The following CYP20A1 variants were observed in gnomAD, a reference collection of about 807,000 sequenced individuals.
CYP20A1 encodes the protein cytochrome P450 family 20 subfamily A member 1.
A neutral mutation model predicts 61.4 loss-of-function variants in CYP20A1; 61 were observed. The observed-to-expected ratio is 0.99, with a 90% confidence interval of 0.81 to 1.23. CYP20A1 has a LOEUF of 1.23. Among genes scored for constraint, CYP20A1 ranks in the 50% most tolerant of loss-of-function variants. CYP20A1 has a pLI of 0.00. For synonymous variants in CYP20A1, 193 were observed against 188.2 expected (o/e 1.03, Z -0.21); for missense variants, 530 against 542.4 (o/e 0.98, Z 0.23).
chr2:203,250,557 C>T (rs2066622616), intron 3 of CYP20A1, among the ~76,000 whole-genome samples: 2 of 152,086 alleles, frequency 1.3e-5, no homozygotes, highest in Non-Finnish European at 2.9e-5. Context: ...AGGCTTTATA[C>T]AACATGAAAA....
At chr2:203,251,731 T>TG (rs1448142353) in intron 3 of CYP20A1, among the ~76,000 whole-genome samples, 1 of 139,152 alleles carries the variant, frequency 7.2e-6, no homozygotes, top group East Asian at 2.0e-4. Flanking sequence ...ATCATGACAT[T>TG]GCACTCCAGC....
chr2:203,253,505 A>G (rs1231408559), intron 4 of CYP20A1, among the ~76,000 whole-genome samples: 1 of 152,214 alleles, frequency 6.6e-6, no homozygotes, highest in Non-Finnish European at 1.5e-5. Context: ...AGGATTGTTT[A>G]TTTTAAGGTA....
intron 5 of CYP20A1, among the ~76,000 whole-genome samples, chr2:203,267,860 A>T (rs1228722556): frequency 6.6e-6 from 1 of 151,672 alleles, no homozygotes; most frequent in Non-Finnish European, 1.5e-5. Flanking sequence ...AAAAAAAAAA[A>T]GAGCGATCTC....
chr2:203,283,424 G>A (rs1241321313), intron 8 of CYP20A1, among the ~76,000 whole-genome samples: 2 of 151,326 alleles, frequency 1.3e-5, no homozygotes, highest in Non-Finnish European at 2.9e-5. Flanking sequence ...CACTGTGTTG[G>A]CCAGGCTGAT....
At chr2:203,274,207 A>G (rs2067721270) in intron 6 of CYP20A1, among the ~76,000 whole-genome samples, 1 of 145,820 alleles carries the variant, frequency 6.9e-6, no homozygotes, top group African/African-American at 2.5e-5. Context: ...TTTTTTTGAG[A>G]CAGAGTCTCA....
chr2:203,271,538 T>C (rs2067598568), intron 5 of CYP20A1, among the ~76,000 whole-genome samples: 1 of 152,198 alleles, frequency 6.6e-6, no homozygotes, highest in South Asian at 2.1e-4. Flanking sequence ...TTTTTAGAAC[T>C]TTTGAATTAA....
intron 1 of CYP20A1, among the ~76,000 whole-genome samples, chr2:203,244,087 T>TGAACTGGC (rs2066361559): frequency 6.6e-6 from 1 of 152,090 alleles, no homozygotes; most frequent in Non-Finnish European, 1.5e-5. Context: ...TTACCTCCTA[T>TGAACTGGC]TACTGTGAAC....
At position 203,289,758 on chromosome 2, in the gene CYP20A1, A is replaced by T. The variant is rs201027151; in HGVS notation, c.972-7A>T. On this transcript the variant is annotated splice_polypyrimidine_tract_variant and splice_region_variant and intron_variant, in intron 9 of 12. Coordinates refer to ENST00000356079, the MANE Select transcript of CYP20A1 (RefSeq NM_177538.3). ...AAACATCTTCAAAAAAAATTTTTTTAAAACAGATATTGTCAGCATGTGCTT... is the reference window on the plus strand; with the variant it reads ...AAACATCTTCAAAAAAAATTTTTTTTAAACAGATATTGTCAGCATGTGCTT... The T allele has an allele frequency of 6.9e-5, 105 of 1,527,636 alleles. No homozygotes were observed. The East Asian group carries it at 8.0e-4, about 12-fold the overall frequency. 94.6% of individuals were successfully genotyped at this position (1,527,636 alleles called of 1,614,324 possible).
intron 5 of CYP20A1, among the ~76,000 whole-genome samples, 177 bp downstream of exon 5, chr2:203,266,858 G>A (rs554116402): frequency 7.2e-4 from 110 of 152,254 alleles, no homozygotes; most frequent in African/African-American, 2.4e-3. Flanking sequence ...GTGGGTGCCT[G>A]TAATCCCAGC....
In CYP20A1 at chr2:203,304,235, C is replaced by T. The variant is rs1168334132; in HGVS notation, c.*7327C>T. ...GGTCTCAGCCAGACTCTGGAGGTCT[C>T]AGCCCAGGCTTGAGTGCAGTGGCAT... On this transcript the variant is annotated 3_prime_UTR_variant, in exon 13 of 13. Transcript: ENST00000356079. 6.6e-6 allele frequency among the ~76,000 whole-genome samples: 1 copy of T among 151,504 alleles called. No individual in the cohort carries two copies. Among genetic ancestry groups the T allele is most frequent in the Non-Finnish European group, 1.5e-5 (1 of 67,884 alleles).
intron 2 of CYP20A1, among the ~76,000 whole-genome samples, chr2:203,246,314 G>A (rs1455254978): frequency 6.6e-5 from 10 of 152,294 alleles, no homozygotes; most frequent in South Asian, 2.1e-4. Flanking sequence ...GGAGGGTCGT[G>A]TAAATCAAAA....
At position 203,305,592 on chromosome 2, in the gene CYP20A1, A is replaced by G. The variant is rs999336586; in HGVS notation, c.*8684A>G. 3.9e-5 allele frequency: 6 copies of G among 152,182 alleles called. No homozygotes were observed. The highest frequency in any genetic ancestry group is 1.2e-4 in the African/African-American group (5 of 41,450). 9.4% of individuals were successfully genotyped at this position (152,182 alleles called of 1,614,324 possible). A position where few individuals can be genotyped will look rare whatever the true frequency, so the allele number is the denominator to read the frequency against. ...AGTATGTGATAAAATGCCATGATCAAATAAATTACTTATATCCTGTTTGGT... is the reference window on the plus strand; with the variant it reads ...AGTATGTGATAAAATGCCATGATCAGATAAATTACTTATATCCTGTTTGGT... On this transcript the variant is annotated 3_prime_UTR_variant, in exon 13 of 13. Transcript: ENST00000356079.
chr2:203,240,096 AAAACAAAC>A (rs796660849), intron 1 of CYP20A1, among the ~76,000 whole-genome samples: 4 of 152,262 alleles, frequency 2.6e-5, no homozygotes, highest in South Asian at 2.1e-4. Flanking sequence ...CTCTTATCTC[AAAACAAAC>A]AAACAAACAA....
intron 5 of CYP20A1, among the ~76,000 whole-genome samples, chr2:203,268,718 A>G (rs1290718814): frequency 6.6e-6 from 1 of 151,698 alleles, no homozygotes; most frequent in Non-Finnish European, 1.5e-5. Flanking sequence ...TATTACATGC[A>G]TAGATTGTGT....
chr2:203,251,923 G>C (rs1346694663), intron 3 of CYP20A1, 44 bp from the exon 4 acceptor site: 1 of 1,463,720 alleles, frequency 6.8e-7, no homozygotes, highest in Admixed American at 2.0e-5. Flanking sequence ...GTATCTTTTT[G>C]AGTGATTATT....
At chr2:203,263,563 C>A (rs779422504) in intron 4 of CYP20A1, among the ~76,000 whole-genome samples, 2 of 152,164 alleles carry the variant, frequency 1.3e-5, no homozygotes, top group Non-Finnish European at 2.9e-5. Flanking sequence ...GCTGGAATTA[C>A]CGGCGTGAGC....
intron 4 of CYP20A1, among the ~76,000 whole-genome samples, chr2:203,257,113 C>T (rs954193025): frequency 6.6e-6 from 1 of 151,700 alleles, no homozygotes; most frequent in Non-Finnish European, 1.5e-5. Context: ...AAGCAGTCCA[C>T]TCACTTTGGC....
intron 4 of CYP20A1, among the ~76,000 whole-genome samples, chr2:203,258,005 G>GCTCAAGTGCACTGGCACAATT (rs1455916330): frequency 6.6e-6 from 1 of 151,752 alleles, no homozygotes; most frequent in Admixed American, 6.6e-5. Flanking sequence ...GGGCTGAAGG[G>GCTCAAGTGCACTGGCACAATT]ATCCTCCTGC....
chr2:203,287,206 A>G (rs1313444334), intron 9 of CYP20A1, among the ~76,000 whole-genome samples: 2 of 107,706 alleles, frequency 1.9e-5, no homozygotes, highest in Non-Finnish European at 3.7e-5. Flanking sequence ...TGACAGTGAG[A>G]CCCTATCTCA....
Sources: gnomAD v4.1 joint callset for allele counts (sites outside exome capture counted in the v4.1 genomes callset) on GRCh38, gnomAD v4.1.1 for gene constraint, MANE v1.5 for transcripts, NCBI Gene and HGNC (gene_info 2026-07-23, HGNC 2026-07-21) for gene names.